Variants in GALK1 observed in about 807,000 individuals in gnomAD.
GALK1 encodes galactokinase.
A neutral mutation model predicts 38.6 loss-of-function variants in GALK1; 30 were observed. The ratio of observed to expected loss-of-function variants is 0.78; its 90% CI spans 0.58 to 1.05. The LOEUF (loss-of-function observed/expected upper bound fraction) is 1.05. Ranked by LOEUF, GALK1 falls within the 50% of genes least tolerant of loss-of-function variation. GALK1 has a pLI of 0.00. For missense variants in GALK1, 512 were observed against 540.5 expected (o/e 0.95, Z 0.52); for synonymous variants, 240 against 233.6 (o/e 1.03, Z -0.25).
downstream of GALK1, chr17:75,755,891 C>A (rs1197175430): frequency 6.3e-7 from 1 of 1,587,808 alleles, no homozygotes; most frequent in East Asian, 2.3e-5. Context: ...TGCAGCCCTG[C>A]AAGGCCTGGC....
Position 75,763,090 on chromosome 17 carries a change from C to G in GALK1, c.535G>C (p.Gly179Arg), listed in dbSNP as rs1009910947. 2 of 1,612,726 alleles carry G rather than the reference C, an allele frequency of 1.2e-6. No individual in the cohort carries two copies. The highest frequency in any genetic ancestry group is 2.7e-5 in the African/African-American group (2 of 75,046). ...TGGTCCATGATGCCACAGGGCATCC[C>G]TGCGAAGCTGTGCTCGGCCTGCTGA... ...VCQQAEHSFA[G>R]MPCGIMDQFI... Residue 179 changes from glycine (G) to arginine (R), a missense_variant, in exon 4 of 8, where the codon GGG (glycine) becomes CGG (arginine). Physicochemically the swap from Gly to Arg is moderately radical, Grantham distance 125 (BLOSUM62 -2). Transcript: ENST00000588479.
chr17:75,757,112 G>A (rs1599325953), downstream of GALK1: 1 of 1,612,804 alleles, frequency 6.2e-7, no homozygotes, highest in South Asian at 1.1e-5. Context: ...ATGGAGGTAG[G>A]CACCTGTCCT....
chr17:75,756,394 C>T, downstream of GALK1: 3 of 1,610,444 alleles, frequency 1.9e-6, no homozygotes, highest in Non-Finnish European at 2.5e-6. Context: ...GGGAGTAACA[C>T]TGCACTACTG....
At chr17:75,753,858 C>T, downstream of GALK1, 1 of 1,373,004 alleles carries the variant, frequency 7.3e-7, no homozygotes, top group South Asian at 1.8e-5. Flanking sequence ...CCGCGCCTGT[C>T]GGCCAGCAGC....
downstream of GALK1, chr17:75,757,708 G>T (rs569697353): frequency 2.8e-6 from 3 of 1,079,106 alleles, no homozygotes; most frequent in African/African-American, 4.6e-5. Context: ...AGGCATGAAG[G>T]GGGCAAGGTC....
At chr17:75,755,683 G>A (rs1362755741), downstream of GALK1, 1 of 1,612,524 alleles carries the variant, frequency 6.2e-7, no homozygotes, top group South Asian at 1.1e-5. Context: ...CTGGCTGACT[G>A]CGGCCTCCTG....
intron 5 of GALK1, 53 bp from the exon 6 acceptor site, chr17:75,758,652 C>T (rs748786562): frequency 1.2e-4 from 190 of 1,548,366 alleles, no homozygotes; most frequent in Non-Finnish European, 1.6e-4. Flanking sequence ...GGGGCCCCGA[C>T]GCCTGTGAGG....
chr17:75,754,247 G>T (rs2061434993), downstream of GALK1, among the ~76,000 whole-genome samples: 1 of 152,208 alleles, frequency 6.6e-6, no homozygotes, highest in Admixed American at 6.5e-5. Context: ...AGACCCCTCA[G>T]GGGCCTCAAA....
intron 2 of GALK1, 149 bp from the exon 3 acceptor site, chr17:75,763,588 G>T: frequency 1.1e-6 from 1 of 899,202 alleles, no homozygotes; most frequent in Admixed American, 2.1e-5. Flanking sequence ...AACCTGCTGG[G>T]CCAAGGGACC....
At chr17:75,757,563 C>T, downstream of GALK1, 1 of 1,613,316 alleles carries the variant, frequency 6.2e-7, no homozygotes, top group Non-Finnish European at 8.5e-7. Context: ...TGACCGCACC[C>T]TGCCCCACCC....
chr17:75,760,372 C>T (rs999226097), intron 5 of GALK1, among the ~76,000 whole-genome samples: 10 of 151,256 alleles, frequency 6.6e-5, no homozygotes, highest in Non-Finnish European at 1.2e-4. Flanking sequence ...GGATTACAGG[C>T]ACAGACGTGA....
downstream of GALK1, chr17:75,756,742 C>T: frequency 1.2e-6 from 2 of 1,613,154 alleles, no homozygotes; most frequent in Non-Finnish European, 1.7e-6. Flanking sequence ...TGCCCCAGGC[C>T]CGCTGGTGTT....
At chr17:75,762,967 G>A in intron 4 of GALK1, 47 bp downstream of exon 4, 1 of 1,611,798 alleles carries the variant, frequency 6.2e-7, no homozygotes, top group Non-Finnish European at 8.5e-7. Context: ...TCCCACCCAG[G>A]AGCTGCTGAG....
chr17:75,758,206 C>T lies in GALK1; in HGVS notation c.1107+4G>A, dbSNP rs1319398752. 5 of 1,607,478 alleles carry T rather than the reference C, an allele frequency of 3.1e-6. No individual in the cohort carries two copies. Among genetic ancestry groups the T allele is most frequent in the Non-Finnish European group, 4.2e-6 (5 of 1,177,912 alleles). ...TGCCCGCCCAGGCCCTGGTGCCCGCCCACCTGGATGTGCCGCATGGCGTGG... is the reference window on the plus strand; with the variant it reads ...TGCCCGCCCAGGCCCTGGTGCCCGCTCACCTGGATGTGCCGCATGGCGTGG... On this transcript the variant is annotated splice_donor_region_variant and intron_variant, in intron 7 of 7. Coordinates refer to ENST00000588479, the MANE Select transcript of GALK1 (RefSeq NM_000154.2).
At chr17:75,763,714 G>T in intron 2 of GALK1, 183 bp downstream of exon 2, 1 of 746,814 alleles carries the variant, frequency 1.3e-6, no homozygotes, top group East Asian at 2.7e-5. Context: ...CCTCCAATCA[G>T]GTCACGGGAA....
At chr17:75,752,660 G>C in intron 8 of GALK1, 1 of 1,563,244 alleles carries the variant, frequency 6.4e-7, no homozygotes, top group Non-Finnish European at 8.8e-7. Context: ...GAGGGCAAAG[G>C]GGCCAGCAAC....
downstream of GALK1, chr17:75,757,592 C>A (rs1051554): frequency 9.3e-6 from 15 of 1,612,676 alleles, no homozygotes; most frequent in African/African-American, 1.3e-5. Context: ...TCCCACTAGG[C>A]GTCCTCCCGA....
chr17:75,757,421 C>G (rs766003835), downstream of GALK1: 2 of 1,613,062 alleles, frequency 1.2e-6, no homozygotes, highest in African/African-American at 2.7e-5. Context: ...CACAGATGGG[C>G]TGACCCTGGG....
At chr17:75,753,093 T>G (rs548053530), downstream of GALK1, among the ~76,000 whole-genome samples, 2 of 152,384 alleles carry the variant, frequency 1.3e-5, no homozygotes, top group East Asian at 3.9e-4. Context: ...TCACTCATCC[T>G]TTCCATGCCT....
Sources: gnomAD v4.1 joint callset for allele counts (sites outside exome capture counted in the v4.1 genomes callset) on GRCh38, gnomAD v4.1.1 for gene constraint, MANE v1.5 for transcripts, NCBI Gene and HGNC (gene_info 2026-07-23, HGNC 2026-07-21) for gene names.